PALLD: variants seen among roughly 807,000 people sequenced by gnomAD.
PALLD encodes the protein palladin, cytoskeletal associated protein, also known as palladin.
A neutral mutation model predicts 123.5 loss-of-function variants in PALLD; 61 were observed. That is an observed-to-expected ratio of 0.49 (90% CI 0.40 to 0.61). PALLD has a LOEUF of 0.61. Ranked by LOEUF, PALLD falls within the 20% of genes least tolerant of loss-of-function variation. PALLD has a pLI of 0.00. For synonymous variants in PALLD, 465 were observed against 496.4 expected, an observed-to-expected ratio of 0.94 and a Z score of 0.84; for missense variants, 1,273 against 1,377.0, an observed-to-expected ratio of 0.92 and a Z score of 1.20.
chr4:168,925,964 T>TAAA (rs11357121), intron 21 of PALLD, among the ~76,000 whole-genome samples: 2 of 150,020 alleles, frequency 1.3e-5, no homozygotes, highest in African/African-American at 4.9e-5. Flanking sequence ...AGTGTTTACT[T>TAAA]AAAAAAAAAA....
chr4:168,807,513 G>T (rs543248890), intron 10 of PALLD, among the ~76,000 whole-genome samples: 9 of 152,074 alleles, frequency 5.9e-5, no homozygotes, highest in Non-Finnish European at 1.0e-4. Context: ...GGGTTCGTGC[G>T]ATTCTACTGC....
chr4:168,509,117 ACTC>A (rs2149419473), intron 1 of PALLD, among the ~76,000 whole-genome samples: 1 of 152,228 alleles, frequency 6.6e-6, no homozygotes, highest in South Asian at 2.1e-4. Flanking sequence ...CAATTTTACA[ACTC>A]TGTAAGTTGG....
chr4:168,532,234 A>G (rs1764669471), intron 2 of PALLD, among the ~76,000 whole-genome samples: 1 of 152,140 alleles, frequency 6.6e-6, no homozygotes, highest in Non-Finnish European at 1.5e-5. Flanking sequence ...CTCCAGCTCC[A>G]TGCACATCCC....
intron 16 of PALLD, 56 bp downstream of exon 16, chr4:168,914,077 T>C (rs963643297): frequency 9.7e-6 from 10 of 1,035,174 alleles, no homozygotes; most frequent in Non-Finnish European, 1.5e-5. Flanking sequence ...TTACTATAAA[T>C]GTAGTACTAT....
intron 10 of PALLD, among the ~76,000 whole-genome samples, chr4:168,867,954 G>A (rs1750544110): frequency 6.6e-6 from 1 of 151,334 alleles, no homozygotes; most frequent in Non-Finnish European, 1.5e-5. Flanking sequence ...CTGGTCTGAG[G>A]GTTATCTGGA....
At chr4:168,753,930 T>C (rs945531204) in intron 10 of PALLD, among the ~76,000 whole-genome samples, 3 of 152,220 alleles carry the variant, frequency 2.0e-5, no homozygotes, top group Non-Finnish European at 4.4e-5. Context: ...TAATGCTTAT[T>C]GTTGTTCTAA....
intron 2 of PALLD, among the ~76,000 whole-genome samples, chr4:168,595,467 A>C (rs1311342616): frequency 2.6e-5 from 4 of 152,280 alleles, no homozygotes; most frequent in Middle Eastern, 3.4e-3. Context: ...TGCTTAAAAG[A>C]CTTTGAAGTC....
intron 3 of PALLD, among the ~76,000 whole-genome samples, chr4:168,673,919 T>C (rs548534372): frequency 2.1e-4 from 32 of 151,466 alleles, no homozygotes; most frequent in African/African-American, 7.6e-4. Context: ...TGTGTGTGTC[T>C]GTGTGTGTAT....
At chr4:168,531,684 C>A (rs1471163394) in intron 2 of PALLD, among the ~76,000 whole-genome samples, 3 of 152,176 alleles carry the variant, frequency 2.0e-5, no homozygotes, top group Non-Finnish European at 2.9e-5. Flanking sequence ...GAAAAATCCT[C>A]CCTCACATTG....
At chr4:168,660,386 G>A (rs531858291) in intron 2 of PALLD, among the ~76,000 whole-genome samples, 3 of 152,258 alleles carry the variant, frequency 2.0e-5, no homozygotes, top group African/African-American at 7.2e-5. Flanking sequence ...CAAGTCAGCA[G>A]TCACATTTAA....
At chr4:168,523,001 G>A (rs1763699716) in intron 2 of PALLD, among the ~76,000 whole-genome samples, 1 of 152,026 alleles carries the variant, frequency 6.6e-6, no homozygotes, top group African/African-American at 2.4e-5. Context: ...GGTAAATTAG[G>A]CCACAGAAAC....
At chr4:168,549,198 T>A (rs2149532665) in intron 2 of PALLD, among the ~76,000 whole-genome samples, 1 of 152,282 alleles carries the variant, frequency 6.6e-6, no homozygotes, top group East Asian at 1.9e-4. Context: ...AGTGATGAAT[T>A]TTCTTTTTTT....
chr4:168,802,202 A>T (rs557545854), intron 10 of PALLD, among the ~76,000 whole-genome samples: 3 of 152,218 alleles, frequency 2.0e-5, no homozygotes, highest in Admixed American at 2.0e-4. Context: ...ATCTTCTCAC[A>T]TAGCCAGAGT....
At chr4:168,791,493 G>T (rs954453500) in intron 10 of PALLD, among the ~76,000 whole-genome samples, 9 of 152,144 alleles carry the variant, frequency 5.9e-5, no homozygotes, top group African/African-American at 2.2e-4. Context: ...GCAGGAGGGA[G>T]AAAAAAGCGC....
chr4:168,832,118 G>T, intron 10 of PALLD: 5 of 985,444 alleles, frequency 5.1e-6, no homozygotes, highest in Non-Finnish European at 6.0e-6. Context: ...TGCAGCTCCC[G>T]CTCGCTCCGG....
chr4:168,846,641 G>A (rs1438528140), intron 10 of PALLD, among the ~76,000 whole-genome samples: 2 of 152,162 alleles, frequency 1.3e-5, no homozygotes, highest in African/African-American at 2.4e-5. Context: ...TGTTAATTAA[G>A]GTGACTGATT....
At chr4:168,562,345 T>C (rs1767952519) in intron 2 of PALLD, among the ~76,000 whole-genome samples, 1 of 152,234 alleles carries the variant, frequency 6.6e-6, no homozygotes, top group Non-Finnish European at 1.5e-5. Flanking sequence ...CTGAGATTCA[T>C]TCATTCATCC....
chr4:168,519,672 T>C (rs546617835), intron 2 of PALLD, among the ~76,000 whole-genome samples: 1 of 87,404 alleles, frequency 1.1e-5, no homozygotes, highest in Non-Finnish European at 2.3e-5. Flanking sequence ...AAAGTCTGCA[T>C]TAGGCACAAA....
intron 8 of PALLD, chr4:168,700,574 A>T (rs1203201448): frequency 6.6e-6 from 1 of 152,180 alleles, no homozygotes; most frequent in East Asian, 1.9e-4. Flanking sequence ...TCTAAATTTC[A>T]TGCATGCATT....
Sources: gnomAD v4.1 joint callset for allele counts (sites outside exome capture counted in the v4.1 genomes callset) on GRCh38, gnomAD v4.1.1 for gene constraint, MANE v1.5 for transcripts, NCBI Gene and HGNC (gene_info 2026-07-23, HGNC 2026-07-21) for gene names.